Variants in PARD6G observed in about 807,000 individuals in gnomAD.
PARD6G encodes par-6 family cell polarity regulator gamma.
PARD6G carries 7 observed loss-of-function variants against 10.7 expected under a neutral mutation model. The observed-to-expected ratio is 0.66, with a 90% CI of 0.37 to 1.23. The LOEUF (loss-of-function observed/expected upper bound fraction) is 1.23, where lower values mean the gene tolerates loss of function less well. PARD6G is among the 50% of genes most tolerant of loss of function. PARD6G has a pLI of 0.02. For synonymous variants in PARD6G, 287 were observed against 269.4 expected (o/e 1.07, Z -0.64); for missense variants, 548 against 571.8 (o/e 0.96, Z 0.42).
intron 1 of PARD6G, among the ~76,000 whole-genome samples, chr18:80,213,219 C>CG (rs1227999667): frequency 3.3e-5 from 5 of 152,028 alleles, no homozygotes; most frequent in Admixed American, 1.3e-4. Context: ...TTTTTAAAAA[C>CG]GAAAAAAAGA....
At chr18:80,196,776 A>G (rs1966959738) in intron 2 of PARD6G, among the ~76,000 whole-genome samples, 2 of 151,680 alleles carry the variant, frequency 1.3e-5, no homozygotes, top group African/African-American at 2.4e-5. Context: ...TTGACAAGCT[A>G]CATCAGCACA....
At chr18:80,214,494 T>C (rs564716769) in intron 1 of PARD6G, among the ~76,000 whole-genome samples, 16 of 151,682 alleles carry the variant, frequency 1.1e-4, no homozygotes, top group Non-Finnish European at 1.9e-4. Flanking sequence ...TCTCACCAAA[T>C]AGAGAATACC....
chr18:80,215,512 T>G (rs1967155235), intron 1 of PARD6G, among the ~76,000 whole-genome samples: 1 of 152,038 alleles, frequency 6.6e-6, no homozygotes, highest in Non-Finnish European at 1.5e-5. Flanking sequence ...GGGAATAGAG[T>G]TATATCGGAG....
At chr18:80,203,103 A>G in intron 1 of PARD6G, 171 bp from the exon 2 acceptor site, 2 of 565,492 alleles carry the variant, frequency 3.5e-6, no homozygotes, top group South Asian at 3.9e-5. Flanking sequence ...GCTATTATGA[A>G]TAGTGCTGGA....
intron 2 of PARD6G, among the ~76,000 whole-genome samples, chr18:80,172,668 C>T (rs2052784951): frequency 6.6e-6 from 1 of 152,156 alleles, no homozygotes; most frequent in South Asian, 2.1e-4. Context: ...TACAGACATG[C>T]ACCACCATGC....
chr18:80,186,139 C>A (rs1345795863), intron 2 of PARD6G, among the ~76,000 whole-genome samples: 1 of 143,740 alleles, frequency 7.0e-6, no homozygotes, highest in Non-Finnish European at 1.5e-5. Context: ...CATGCGTATA[C>A]CCTCACGCGG....
rs1019133487 is a variant in PARD6G at position 80,246,159 on chromosome 18, C to T, written c.72+1118G>A. On this transcript the variant is annotated intron_variant, in intron 1 of 2. Transcript: ENST00000353265. The surrounding 1 kb of genome is among the most constrained non-coding windows in gnomAD (Gnocchi z 6.7). The stretch of plus-strand genomic sequence containing the variant: ...CAGTTAGGGGTGCGGGCTCCCACTC[C>T]GCCGTTAGGAGCCTTTCCCACAACT... 3.3e-5 allele frequency among the ~76,000 whole-genome samples: 5 copies of T among 152,044 alleles called. No homozygotes were observed. The highest frequency in any genetic ancestry group is 2.0e-4 in the Admixed American group (3 of 15,272).
chr18:80,207,808 CA>C (rs1967068175), intron 1 of PARD6G, among the ~76,000 whole-genome samples: 2 of 152,112 alleles, frequency 1.3e-5, no homozygotes, highest in Non-Finnish European at 2.9e-5. Context: ...TCAATTTATA[CA>C]TATTTTTTGT....
intron 1 of PARD6G, among the ~76,000 whole-genome samples, chr18:80,219,247 G>A (rs1349964389): frequency 6.6e-6 from 1 of 151,972 alleles, no homozygotes; most frequent in Non-Finnish European, 1.5e-5. Flanking sequence ...TCTTGCTCTT[G>A]TCCCAGACTG....
rs2052847060 is a variant in PARD6G, at chr18:80,181,227, T to C, written c.296-20621A>G. On this transcript the variant is annotated intron_variant, in intron 2 of 2. Transcript: ENST00000353265. This position sits in a 1 kb window ranked among gnomAD's most constrained non-coding sequence, Gnocchi z 7.9. ...CGTAGACTGGTGTGTGCACCAAGCA[T>C]GCCAGGGACCCCAGGTCACACGCCC... Among the ~76,000 whole-genome samples, 1 of 152,050 alleles carries C rather than the reference T, an allele frequency of 6.6e-6. No homozygotes were observed. The highest frequency in any genetic ancestry group is 2.1e-4 in the South Asian group (1 of 4,820).
chr18:80,242,182 G>C (rs1170100210), intron 1 of PARD6G, among the ~76,000 whole-genome samples: 3 of 151,886 alleles, frequency 2.0e-5, no homozygotes, highest in Non-Finnish European at 4.4e-5. Context: ...TGGGTCCCTG[G>C]TAAGTCTCCC....
At chr18:80,160,645 A>C in intron 2 of PARD6G, 39 bp from the exon 3 acceptor site, 1 of 1,428,620 alleles carries the variant, frequency 7.0e-7, no homozygotes, top group Non-Finnish European at 9.1e-7. Context: ...CACACAACCG[A>C]GCCCCGCCTG....
At chr18:80,163,971 T>C (rs950189216) in intron 2 of PARD6G, among the ~76,000 whole-genome samples, 1 of 152,196 alleles carries the variant, frequency 6.6e-6, no homozygotes, top group Non-Finnish European at 1.5e-5. Context: ...TTTAGCCTTG[T>C]CATCCCAGAC....
At chr18:80,214,465 C>CA (rs998976339) in intron 1 of PARD6G, among the ~76,000 whole-genome samples, 21 of 143,984 alleles carry the variant, frequency 1.5e-4, no homozygotes, top group East Asian at 2.0e-4. Context: ...GACTACATTT[C>CA]AAAAAAAAAA....
At chr18:80,177,540 G>GCA (rs377696506) in intron 2 of PARD6G, among the ~76,000 whole-genome samples, 1 of 129,502 alleles carries the variant, frequency 7.7e-6, no homozygotes, top group South Asian at 2.5e-4. Context: ...ATGCACGCGG[G>GCA]CACACACACA....
chr18:80,219,049 C>G (rs1967201370), intron 1 of PARD6G, among the ~76,000 whole-genome samples: 1 of 152,246 alleles, frequency 6.6e-6, no homozygotes, highest in Non-Finnish European at 1.5e-5. Context: ...ACTTTTCTCT[C>G]CTAGGCCTCC....
rs72980331 is a variant in PARD6G, at chr18:80,192,141, T to C, written c.295+10569A>G. On this transcript the variant is annotated intron_variant, in intron 2 of 2. Coordinates refer to ENST00000353265, the MANE Select transcript of PARD6G (RefSeq NM_032510.4). This position sits in a 1 kb window ranked among gnomAD's most constrained non-coding sequence, Gnocchi z 4.9. ...GAGTCACTAAAAACCCTAGAAGGTGTTGGGGTCACAAGACCAGACTGCGCA... is the reference window on the plus strand; with the variant it reads ...GAGTCACTAAAAACCCTAGAAGGTGCTGGGGTCACAAGACCAGACTGCGCA... Among the ~76,000 whole-genome samples the C allele has an allele frequency of 8.1e-4, 123 of 152,344 alleles. 2 individuals carry two copies. The highest frequency in any genetic ancestry group is 2.1e-3 in the East Asian group (11 of 5,190).
Position 80,160,155 on chromosome 18 carries a change from G to GTT in PARD6G, c.746_747insAA (p.Ala250ThrfsTer143). The GTT allele has an allele frequency of 6.2e-7, 1 of 1,613,370 alleles. No homozygotes were observed. Among genetic ancestry groups the GTT allele is most frequent in the Non-Finnish European group, 8.5e-7 (1 of 1,179,788 alleles). ...GCACCACGTTGTTGCGCTGGTTGGC[G>GTT]GGCTTGACGGTGACGATGAGGTTGT... is the stretch of plus-strand genomic sequence containing the variant. On this transcript the variant is annotated frameshift_variant, in exon 3 of 3. Coordinates refer to ENST00000353265, the MANE Select transcript of PARD6G (RefSeq NM_032510.4). LOFTEE classifies it low-confidence loss of function (END_TRUNC).
intron 2 of PARD6G, chr18:80,170,021 C>A (rs1185177335): frequency 6.6e-6 from 1 of 152,264 alleles, no homozygotes; most frequent in Non-Finnish European, 1.5e-5. Flanking sequence ...ATGAGCACGG[C>A]CTATTAGGGC....
Sources: gnomAD v4.1 joint callset for allele counts (sites outside exome capture counted in the v4.1 genomes callset) on GRCh38, gnomAD v4.1.1 for gene constraint, Gnocchi (gnomAD v3.1) non-coding constraint, MANE v1.5 for transcripts, NCBI Gene and HGNC (gene_info 2026-07-23, HGNC 2026-07-21) for gene names.